ZFHX3: variants seen among roughly 807,000 people sequenced by gnomAD.
The protein encoded by ZFHX3 is zinc finger homeobox 3, also known as zinc finger homeobox protein 3.
Under a neutral mutation model 279.1 loss-of-function variants are expected in ZFHX3, and 42 were observed. The ratio of observed to expected loss-of-function variants is 0.15; its 90% CI spans 0.12 to 0.19. The LOEUF (loss-of-function observed/expected upper bound fraction) is 0.19, where lower values mean the gene tolerates loss of function less well. ZFHX3 is among the 10% of genes least tolerant of loss of function. ZFHX3 has a pLI of 1.00. For synonymous variants in ZFHX3, 2,293 were observed against 1,957.8 expected (o/e 1.17, Z -4.52); for missense variants, 4,981 against 4,754.0 (o/e 1.05, Z -1.40).
At chr16:73,753,469 AC>A (rs2142272558) in intron 1 of ZFHX3, among the ~76,000 whole-genome samples, 1 of 152,184 alleles carries the variant, frequency 6.6e-6, no homozygotes, top group African/African-American at 2.4e-5. Context: ...GTCCTAAATA[AC>A]CCTTCCCTCA....
intron 1 of ZFHX3, among the ~76,000 whole-genome samples, chr16:73,728,472 A>G (rs2729609): frequency 0.85 from 129,138 of 152,238 alleles, 55,478 homozygotes; most frequent in Non-Finnish European, 0.91. Context: ...ATCATTGTAA[A>G]AAGTTCTATT....
rs187421369 is a variant in ZFHX3 at position 73,514,647 on chromosome 16, T to C, written c.-1546-58389A>G. ...TTTGAGATACGTGTTATTATTCATCTTACAAGTGACGAGCTGAAGCTCAAA... is the reference window on the plus strand; with the variant it reads ...TTTGAGATACGTGTTATTATTCATCCTACAAGTGACGAGCTGAAGCTCAAA... On this transcript the variant is annotated intron_variant, in intron 2 of 17. Transcript: ENST00000641206. Among the ~76,000 whole-genome samples the C allele has an allele frequency of 3.7e-4, 56 of 152,366 alleles. No individual in the cohort carries two copies. The East Asian group carries it at 6.2e-3, about 17-fold the overall frequency.
intron 2 of ZFHX3, among the ~76,000 whole-genome samples, chr16:73,496,713 T>A (rs1037617466): frequency 6.6e-6 from 1 of 152,116 alleles, no homozygotes; most frequent in Non-Finnish European, 1.5e-5. Flanking sequence ...GGGCGGGGCT[T>A]CCCAGTGCAA....
At chr16:73,568,639 T>C (rs1261358404) in intron 2 of ZFHX3, among the ~76,000 whole-genome samples, 1 of 152,174 alleles carries the variant, frequency 6.6e-6, no homozygotes, top group Non-Finnish European at 1.5e-5. Flanking sequence ...AAAAGCCCTC[T>C]TCCCACCGGG....
At chr16:72,800,165 G>A in intron 7 of ZFHX3, 36 bp from the exon 8 acceptor site, 1 of 1,547,594 alleles carries the variant, frequency 6.5e-7, no homozygotes, top group Non-Finnish European at 8.9e-7. Context: ...AAATGGAGAG[G>A]AAAGCGACAC....
Position 73,288,647 on chromosome 16 carries a change from C to G in ZFHX3, c.-1194+29593G>C, listed in dbSNP as rs542553159. ...TATCAAGCCCTCCTATTTGTCGCCC[C>G]CAAACTCAGTTTCCCCCAGATGTCT... On this transcript the variant is annotated intron_variant, in intron 4 of 17. Transcript: ENST00000641206. 2.0e-5 allele frequency among the ~76,000 whole-genome samples: 3 copies of G among 152,242 alleles called. No homozygotes were observed. The East Asian group carries it at 5.8e-4, about 30-fold the overall frequency.
At chr16:73,768,656 C>A (rs1225170615) in intron 1 of ZFHX3, among the ~76,000 whole-genome samples, 1 of 152,128 alleles carries the variant, frequency 6.6e-6, no homozygotes, top group Non-Finnish European at 1.5e-5. Flanking sequence ...GTCTTTATTT[C>A]TGTTTACACT....
chr16:72,949,973 C>T (rs547225045), intron 3 of ZFHX3, among the ~76,000 whole-genome samples: 3 of 132,858 alleles, frequency 2.3e-5, no homozygotes, highest in Non-Finnish European at 3.1e-5. Context: ...CAGAACAGTA[C>T]CTGTCATTGA....
At chr16:72,985,989 C>G (rs574400721) in intron 1 of ZFHX3, among the ~76,000 whole-genome samples, 1 of 152,306 alleles carries the variant, frequency 6.6e-6, no homozygotes, top group East Asian at 1.9e-4. Flanking sequence ...CTTCCTAAAG[C>G]TGTTTACAAA....
chr16:72,889,905 G>T lies in ZFHX3; in HGVS notation c.3274C>A (p.Leu1092Met). ...EGESCYYHCV[L>M]CNYSTKAKLN... ...TTGGCCTTGGTGGAGTAGTTGCACA[G>T]AACGCAGTGGTAGTAGCAGCTCTCA... Residue 1092 changes from leucine (L) to methionine (M), a missense_variant, in exon 4 of 10, where the codon CTG (leucine) becomes ATG (methionine). Physicochemically the swap from Leu to Met is conservative, Grantham distance 15. This residue lies in a region of ZFHX3 where 1,751 missense variants were observed against 1,770.0 expected (regional missense o/e 0.99). Coordinates refer to ENST00000268489, the MANE Select transcript of ZFHX3 (RefSeq NM_006885.4). 6.2e-7 allele frequency: 1 copy of T among 1,614,212 alleles called. No individual in the cohort carries two copies. Among genetic ancestry groups the T allele is most frequent in the South Asian group, 1.1e-5 (1 of 91,072 alleles).
At chr16:73,574,316 C>A (rs1348519317) in intron 2 of ZFHX3, among the ~76,000 whole-genome samples, 2 of 150,904 alleles carry the variant, frequency 1.3e-5, no homozygotes, top group African/African-American at 2.5e-5. Flanking sequence ...TTGTAACGGA[C>A]CCGGGTGAAA....
At chr16:73,804,976 G>C (rs1019243728) in intron 1 of ZFHX3, among the ~76,000 whole-genome samples, 2 of 147,874 alleles carry the variant, frequency 1.4e-5, no homozygotes, top group African/African-American at 2.6e-5. Flanking sequence ...GGGAGGGAGA[G>C]AGAGAGAGAC....
At chr16:73,077,817 T>C (rs1029159522) in intron 8 of ZFHX3, among the ~76,000 whole-genome samples, 1 of 152,190 alleles carries the variant, frequency 6.6e-6, no homozygotes, top group African/African-American at 2.4e-5. Context: ...TTTTCTTTTT[T>C]GTTTTTTGTT....
At chr16:73,505,756 G>A (rs1040448293) in intron 2 of ZFHX3, among the ~76,000 whole-genome samples, 1 of 152,202 alleles carries the variant, frequency 6.6e-6, no homozygotes, top group Non-Finnish European at 1.5e-5. Flanking sequence ...GACACTGTAA[G>A]ACTGTCCTGC....
chr16:73,059,440 G>A (rs1482837975), exon 1 of ZFHX3: 1 of 147,212 alleles, frequency 6.8e-6, no homozygotes, highest in Non-Finnish European at 1.5e-5. Context: ...AGCAACAATA[G>A]GAACCTGGCT....
rs560769051 is a variant in ZFHX3, at chr16:73,735,889, C to A, written c.-1607-55649G>T. Reference sequence around the variant, plus strand: ...AAGGCAAAATGAAGCACCAGCCATTCCGTTTTTTTTTTTTTTTTTTTTTTT... The same window carrying A: ...AAGGCAAAATGAAGCACCAGCCATTACGTTTTTTTTTTTTTTTTTTTTTTT... On this transcript the variant is annotated intron_variant, in intron 1 of 17. Coordinates refer to the ZFHX3 transcript ENST00000641206. Among the ~76,000 whole-genome samples, 67 of 23,232 alleles carry A rather than the reference C, an allele frequency of 2.9e-3. No homozygotes were observed. The East Asian group carries it at 0.09, about 31-fold the overall frequency. The allele number at this position is 23,232 out of a possible 152,430, so 15.2% of individuals were successfully genotyped here.
chr16:73,605,480 T>C (rs2143870381), intron 2 of ZFHX3, among the ~76,000 whole-genome samples: 1 of 152,290 alleles, frequency 6.6e-6, no homozygotes, highest in East Asian at 1.9e-4. Flanking sequence ...TAGCCCCAAA[T>C]TAAGTCAGGA....
intron 4 of ZFHX3, among the ~76,000 whole-genome samples, chr16:73,281,353 C>T (rs1340555635): frequency 6.6e-6 from 1 of 152,080 alleles, no homozygotes; most frequent in East Asian, 1.9e-4. Context: ...CCAGAGGACA[C>T]TATGTTAAGT....
At chr16:73,619,663 T>C (rs1217136021) in intron 2 of ZFHX3, among the ~76,000 whole-genome samples, 6 of 152,006 alleles carry the variant, frequency 3.9e-5, no homozygotes, top group African/African-American at 1.5e-4. Context: ...TATTTCTACC[T>C]TTTCTGGATG....
Sources: allele counts gnomAD v4.1 joint callset (sites outside exome capture counted in the v4.1 genomes callset), GRCh38; gene constraint gnomAD v4.1.1; regional missense constraint gnomAD v4.1.1; transcripts MANE v1.5; gene names NCBI Gene and HGNC (gene_info 2026-07-23, HGNC 2026-07-21).